Variants in NOTCH2 observed in about 807,000 individuals in gnomAD.
The protein encoded by NOTCH2 is neurogenic locus notch homolog protein 2.
NOTCH2 carries 29 observed loss-of-function variants against 235.8 expected under a neutral mutation model. That is an observed-to-expected ratio of 0.12 (90% CI 0.09 to 0.17). The LOEUF (loss-of-function observed/expected upper bound fraction) is 0.17. Among genes scored for constraint, NOTCH2 ranks in the 10% least tolerant of loss-of-function variants. The pLI, the probability that NOTCH2 is intolerant of heterozygous loss-of-function variation, is 1.00. For missense variants in NOTCH2, 2,285 were observed against 3,150.2 expected, an observed-to-expected ratio of 0.73 and a Z score of 6.57; for synonymous variants, 1,086 against 1,141.5, an observed-to-expected ratio of 0.95 and a Z score of 0.98.
chr1:119,958,618 G>C (rs1553198637), intron 12 of NOTCH2, among the ~76,000 whole-genome samples: 1 of 152,186 alleles, frequency 6.6e-6, no homozygotes, highest in Non-Finnish European at 1.5e-5. Flanking sequence ...AGGTGTGTCA[G>C]TGAGGGGCCT....
intron 14 of NOTCH2, among the ~76,000 whole-genome samples, chr1:119,953,235 C>T (rs966004671): frequency 1.1e-4 from 16 of 151,658 alleles, no homozygotes; most frequent in East Asian, 1.9e-4. Flanking sequence ...GGCTTGAACC[C>T]GGGAGGTAGA....
chr1:120,015,221 C>T (rs1305255268), intron 2 of NOTCH2, among the ~76,000 whole-genome samples: 1 of 152,190 alleles, frequency 6.6e-6, no homozygotes, highest in Non-Finnish European at 1.5e-5. Flanking sequence ...TAAAGCTCCT[C>T]TTTACTCCCT....
intron 25 of NOTCH2, 132 bp from the exon 26 acceptor site, chr1:119,924,116 C>T: frequency 1.3e-6 from 1 of 742,786 alleles, no homozygotes. Context: ...CCAAATGCCC[C>T]ACAAAACCTT....
chr1:119,927,589 T>C (rs1244358651), intron 23 of NOTCH2, among the ~76,000 whole-genome samples: 2 of 152,156 alleles, frequency 1.3e-5, no homozygotes, highest in Non-Finnish European at 2.9e-5. Context: ...TGTGGGATAC[T>C]ACTTCAAAGT....
intron 4 of NOTCH2, among the ~76,000 whole-genome samples, chr1:119,988,436 G>A (rs2453060): frequency 0.98 from 148,965 of 152,300 alleles, 72,934 homozygotes; most frequent in East Asian, 1. Flanking sequence ...ATGAATCACT[G>A]AAGAAGCCTG....
At chr1:119,933,012 T>A (rs587698842) in intron 22 of NOTCH2, among the ~76,000 whole-genome samples, 1 of 152,202 alleles carries the variant, frequency 6.6e-6, no homozygotes, top group East Asian at 1.9e-4. Flanking sequence ...ATACATAGAG[T>A]AAATTGAAAA....
rs835576 is a variant in NOTCH2, at chr1:119,912,963, T to C, written c.*2343A>G. Reference sequence around the variant, plus strand: ...AAGAAACAAGCAATTTGGTCTGACATTGTGCTTAAGGAAAAGGGAGGATAT... The same window carrying C: ...AAGAAACAAGCAATTTGGTCTGACACTGTGCTTAAGGAAAAGGGAGGATAT... On this transcript the variant is annotated 3_prime_UTR_variant, in exon 34 of 34. Coordinates refer to ENST00000256646, the MANE Select transcript of NOTCH2 (RefSeq NM_024408.4). 34,912 of 233,268 alleles carry C rather than the reference T, an allele frequency of 0.15. 3,901 individuals are homozygous for C. The highest frequency in any genetic ancestry group is 0.35 in the African/African-American group (15,761 of 45,384). The allele number at this position is 233,268 out of a possible 1,614,324, so 14.4% of individuals were successfully genotyped here.
chr1:119,978,112 G>A (rs1651662086), intron 5 of NOTCH2, among the ~76,000 whole-genome samples: 1 of 152,122 alleles, frequency 6.6e-6, no homozygotes, highest in African/African-American at 2.4e-5. Context: ...GAGAAGGCCT[G>A]GGAGGAGCGT....
chr1:119,968,544 C>T (rs1651240146), intron 6 of NOTCH2, among the ~76,000 whole-genome samples: 1 of 152,138 alleles, frequency 6.6e-6, no homozygotes, highest in Non-Finnish European at 1.5e-5. Context: ...GATAGTGTGC[C>T]AGATTTAGCA....
At chr1:119,922,863 G>GAGGCTCCTGTCACCCTTTA in intron 26 of NOTCH2, 85 bp from the exon 27 acceptor site, 1 of 1,553,542 alleles carries the variant, frequency 6.4e-7, no homozygotes, top group Non-Finnish European at 8.8e-7. Flanking sequence ...GTCATAAAGG[G>GAGGCTCCTGTCACCCTTTA]TGACAGGAGC....
At chr1:119,924,389 T>C (rs1198047594) in intron 25 of NOTCH2, among the ~76,000 whole-genome samples, 2 of 152,154 alleles carry the variant, frequency 1.3e-5, no homozygotes, top group Admixed American at 6.5e-5. Context: ...AGAAACTTGA[T>C]ACAAGGCCCT....
chr1:119,969,201 A>G (rs1030234359), intron 6 of NOTCH2, among the ~76,000 whole-genome samples: 1 of 152,238 alleles, frequency 6.6e-6, no homozygotes, highest in Non-Finnish European at 1.5e-5. Flanking sequence ...TTATCTTAAT[A>G]GCTGAGGTGC....
At chr1:119,946,668 C>A (rs1650265700) in intron 17 of NOTCH2, among the ~76,000 whole-genome samples, 1 of 151,984 alleles carries the variant, frequency 6.6e-6, no homozygotes, top group African/African-American at 2.4e-5. Flanking sequence ...AGTACAAGGT[C>A]TCTCAATTTG....
chr1:120,040,868 TC>T (rs1553212629), intron 1 of NOTCH2, among the ~76,000 whole-genome samples: 1 of 148,908 alleles, frequency 6.7e-6, no homozygotes, highest in Non-Finnish European at 1.5e-5. Context: ...AAACCACATC[TC>T]TACTAAAAAT....
At chr1:119,983,872 A>G (rs2101177655) in intron 5 of NOTCH2, among the ~76,000 whole-genome samples, 1 of 152,346 alleles carries the variant, frequency 6.6e-6, no homozygotes, top group East Asian at 1.9e-4. Context: ...ATCTCCATTT[A>G]TTTAAAATTA....
Position 120,023,518 on chromosome 1 carries a change from T to C in NOTCH2, c.155+6388A>G, listed in dbSNP as rs587739910. On this transcript the variant is annotated intron_variant, in intron 2 of 33. Transcript: ENST00000256646. The stretch of plus-strand genomic sequence containing the variant: ...CCAGGACCCTTACTCCACTCACCAG[T>C]GCAGGCTGAACCATACTAGATCATA... Among the ~76,000 whole-genome samples the C allele has an allele frequency of 7.6e-3, 938 of 124,066 alleles. 12 individuals are homozygous for C. The highest frequency in any genetic ancestry group is 9.0e-3 in the Non-Finnish European group (577 of 64,318). The allele number at this position is 124,066 out of a possible 152,430, so 81.4% of individuals were successfully genotyped here.
At chr1:119,966,327 G>T (rs1368208800) in intron 9 of NOTCH2, 49 bp downstream of exon 9, 3 of 1,253,268 alleles carry the variant, frequency 2.4e-6, no homozygotes, top group African/African-American at 2.9e-5. Context: ...CCTGTGGTCA[G>T]TTGGCTTTGT....
In NOTCH2 at chr1:119,912,129, G is replaced by T. The variant is rs1247819246; in HGVS notation, c.*3177C>A. The T allele has an allele frequency of 1.3e-5, 3 of 233,446 alleles. No homozygotes were observed. Among genetic ancestry groups the T allele is most frequent in the South Asian group, 1.8e-4 (1 of 5,536 alleles). 14.5% of individuals were successfully genotyped at this position (233,446 alleles called of 1,614,324 possible). On this transcript the variant is annotated 3_prime_UTR_variant, in exon 34 of 34. Coordinates refer to ENST00000256646, the MANE Select transcript of NOTCH2 (RefSeq NM_024408.4). ...ATTTCATCTTAACTACCTTTAGAAT[G>T]AAACGGAAAAGTAAAAACAAAGTGT...
chr1:119,975,949 G>T (rs1336765521), intron 5 of NOTCH2, among the ~76,000 whole-genome samples: 2 of 152,116 alleles, frequency 1.3e-5, no homozygotes, highest in Non-Finnish European at 2.9e-5. Context: ...GAAAAGAAGA[G>T]AAAGGAATTG....
Sources: gnomAD v4.1 joint callset for allele counts (sites outside exome capture counted in the v4.1 genomes callset) on GRCh38, gnomAD v4.1.1 for gene constraint, MANE v1.5 for transcripts, NCBI Gene and HGNC (gene_info 2026-07-23, HGNC 2026-07-21) for gene names.